The following KLHL3 variants were observed in gnomAD, a reference collection of about 807,000 sequenced individuals.
The protein encoded by KLHL3 is kelch-like protein 3.
KLHL3 carries 19 observed loss-of-function variants against 70.5 expected under a neutral mutation model. That is an observed-to-expected ratio of 0.27 (90% CI 0.19 to 0.40). KLHL3 has a LOEUF of 0.40. Among genes scored for constraint, KLHL3 ranks in the 10% least tolerant of loss-of-function variants. The pLI, the probability that KLHL3 is intolerant of heterozygous loss-of-function variation, is 1.00. For missense variants in KLHL3, 512 were observed against 771.1 expected, an observed-to-expected ratio of 0.66 and a Z score of 3.98; for synonymous variants, 258 against 290.3, an observed-to-expected ratio of 0.89 and a Z score of 1.13.
chr5:137,695,024 AC>A (rs1752412670), intron 4 of KLHL3, among the ~76,000 whole-genome samples: 1 of 152,022 alleles, frequency 6.6e-6, no homozygotes, highest in East Asian at 1.9e-4. Flanking sequence ...GAGCTCCCCA[AC>A]CCCATACGCA....
intron 5 of KLHL3, among the ~76,000 whole-genome samples, chr5:137,687,235 C>T (rs1279250690): frequency 3.4e-4 from 11 of 32,262 alleles, no homozygotes; most frequent in African/African-American, 1.2e-3. Flanking sequence ...CCGCCCCGTC[C>T]GGGAGGGAGG....
Position 137,620,154 on chromosome 5 carries a change from G to T in KLHL3, c.*1944C>A, listed in dbSNP as rs1314463086. Reference sequence around the variant, plus strand: ...AGAGCACTCAACTAAAACATGCCTTGCTTCCTTTGGAGACATTTCTTCCAG... The same window carrying T: ...AGAGCACTCAACTAAAACATGCCTTTCTTCCTTTGGAGACATTTCTTCCAG... On this transcript the variant is annotated 3_prime_UTR_variant, in exon 15 of 15. Transcript: ENST00000309755. The T allele has an allele frequency of 1.3e-5, 2 of 152,216 alleles. No homozygotes were observed. The highest frequency in any genetic ancestry group is 4.8e-5 in the African/African-American group (2 of 41,454). 9.4% of individuals were successfully genotyped at this position (152,216 alleles called of 1,614,324 possible). A position where few individuals can be genotyped will look rare whatever the true frequency, so the allele number is the denominator to read the frequency against.
At position 137,622,084 on chromosome 5, in the gene KLHL3, AGTAGGAGTT is replaced by A. The variant is rs751013066; in HGVS notation, c.*5_*13del. ...CCTGCTCCTTCCTCCACCTCCTGGC[AGTAGGAGTT>A]TGGGTCACAAGGACTTGTGAATCAC... On this transcript the variant is annotated 3_prime_UTR_variant, in exon 15 of 15. Coordinates refer to ENST00000309755, the MANE Select transcript of KLHL3 (RefSeq NM_017415.3). The A allele has an allele frequency of 6.2e-7, 1 of 1,614,088 alleles. No homozygotes were observed.
At chr5:137,661,746 T>C (rs1381609604) in intron 7 of KLHL3, 169 bp downstream of exon 7, 5 of 528,992 alleles carry the variant, frequency 9.5e-6, no homozygotes, top group Non-Finnish European at 1.3e-5. Context: ...TTCAAGCCTA[T>C]GCTCTTAAAC....
At chr5:137,733,010 G>T (rs1417209188) in intron 1 of KLHL3, among the ~76,000 whole-genome samples, 1 of 151,804 alleles carries the variant, frequency 6.6e-6, no homozygotes, top group Non-Finnish European at 1.5e-5. Context: ...TACCCTCATG[G>T]CAAAGAAAAA....
At chr5:137,725,713 CAA>C (rs1189390015) in intron 1 of KLHL3, among the ~76,000 whole-genome samples, 1 of 152,236 alleles carries the variant, frequency 6.6e-6, no homozygotes, top group African/African-American at 2.4e-5. Flanking sequence ...TCAACTTTGT[CAA>C]AGCACCAGAT....
chr5:137,637,994 T>C (rs1400984255), intron 10 of KLHL3, among the ~76,000 whole-genome samples: 1 of 152,230 alleles, frequency 6.6e-6, no homozygotes, highest in African/African-American at 2.4e-5. Flanking sequence ...TCTTAAAGAA[T>C]GTGGCCTCAA....
At chr5:137,685,893 G>A (rs575759872) in intron 5 of KLHL3, among the ~76,000 whole-genome samples, 6 of 152,306 alleles carry the variant, frequency 3.9e-5, no homozygotes, top group African/African-American at 1.2e-4. Context: ...ATACATCAAG[G>A]TGCTGCCAGC....
At chr5:137,726,461 A>T (rs1753086392) in intron 1 of KLHL3, among the ~76,000 whole-genome samples, 1 of 152,170 alleles carries the variant, frequency 6.6e-6, no homozygotes, top group Admixed American at 6.5e-5. Flanking sequence ...CTGTATCATA[A>T]TCTAAATACC....
chr5:137,685,945 ATGTG>A (rs1752152600), intron 5 of KLHL3, among the ~76,000 whole-genome samples: 1 of 152,250 alleles, frequency 6.6e-6, no homozygotes, highest in Non-Finnish European at 1.5e-5. Context: ...CTTTCCACCC[ATGTG>A]CTTTTTCTGT....
chr5:137,671,336 G>C (rs1751753404), intron 6 of KLHL3, among the ~76,000 whole-genome samples: 2 of 151,952 alleles, frequency 1.3e-5, no homozygotes, highest in African/African-American at 4.8e-5. Flanking sequence ...ACAACAACCT[G>C]GAATAAAATA....
intron 1 of KLHL3, among the ~76,000 whole-genome samples, chr5:137,722,369 T>C (rs1165822594): frequency 2.0e-5 from 3 of 152,168 alleles, no homozygotes; most frequent in African/African-American, 7.2e-5. Context: ...ACTTTGGGGC[T>C]GTTTGGATTC....
chr5:137,654,579 T>A (rs944642238), intron 8 of KLHL3, among the ~76,000 whole-genome samples: 1 of 152,194 alleles, frequency 6.6e-6, no homozygotes, highest in Admixed American at 6.5e-5. Flanking sequence ...CTCACTAATT[T>A]AAGTGCTTAA....
rs1232046048 is a variant in KLHL3 at position 137,627,178 on chromosome 5, T to C, written c.1591+1119A>G. On this transcript the variant is annotated intron_variant, in intron 13 of 14. Transcript: ENST00000309755. ...TAAATTATGATATAGTCATTTAAAATAATATCATATAAATAAGTTTAGTGT... is the reference window on the plus strand; with the variant it reads ...TAAATTATGATATAGTCATTTAAAACAATATCATATAAATAAGTTTAGTGT... Among the ~76,000 whole-genome samples the C allele has an allele frequency of 3.9e-5, 6 of 152,302 alleles. No homozygotes were observed. In the East Asian group the frequency reaches 1.2e-3, roughly 29 times the overall value.
intron 5 of KLHL3, among the ~76,000 whole-genome samples, chr5:137,689,268 T>C (rs1235608064): frequency 1.3e-5 from 2 of 152,224 alleles, no homozygotes; most frequent in African/African-American, 2.4e-5. Context: ...TGGAAAACAG[T>C]CTGGAGATTT....
intron 1 of KLHL3, among the ~76,000 whole-genome samples, chr5:137,725,365 C>G (rs1753069811): frequency 1.3e-5 from 2 of 152,202 alleles, no homozygotes; most frequent in African/African-American, 4.8e-5. Context: ...AATGCCCTTA[C>G]TCTAAGCATA....
At position 137,627,483 on chromosome 5, in the gene KLHL3, C is replaced by T. The variant is rs75094541; in HGVS notation, c.1591+814G>A. On this transcript the variant is annotated intron_variant, in intron 13 of 14. Coordinates refer to ENST00000309755, the MANE Select transcript of KLHL3 (RefSeq NM_017415.3). Reference sequence around the variant, plus strand: ...TAAATTAGTAAATATCACCACCCCCCCCCCCGGTTTACACTTCCAAGTCAG... The same window carrying T: ...TAAATTAGTAAATATCACCACCCCCTCCCCCGGTTTACACTTCCAAGTCAG... Among the ~76,000 whole-genome samples the T allele has an allele frequency of 1.2e-3, 150 of 127,442 alleles. 17 individuals carry two copies. Among genetic ancestry groups the T allele is most frequent in the African/African-American group, 3.5e-3 (129 of 36,758 alleles). The allele number at this position is 127,442 out of a possible 152,430, so 83.6% of individuals were successfully genotyped here.
chr5:137,723,197 G>T (rs1255013512), intron 1 of KLHL3, among the ~76,000 whole-genome samples: 27 of 152,138 alleles, frequency 1.8e-4, no homozygotes, highest in Admixed American at 1.7e-3. Flanking sequence ...TTATAATAAG[G>T]TCTGATATCT....
intron 1 of KLHL3, among the ~76,000 whole-genome samples, chr5:137,723,607 T>C (rs1753038055): frequency 6.6e-6 from 1 of 152,228 alleles, no homozygotes; most frequent in Non-Finnish European, 1.5e-5. Flanking sequence ...AATGTTCCTA[T>C]TATTCCTAAC....
Sources: gnomAD v4.1 joint callset for allele counts (sites outside exome capture counted in the v4.1 genomes callset) on GRCh38, gnomAD v4.1.1 for gene constraint, MANE v1.5 for transcripts, NCBI Gene and HGNC (gene_info 2026-07-23, HGNC 2026-07-21) for gene names.